NFIB: variants seen among roughly 807,000 people sequenced by gnomAD.
The protein encoded by NFIB is nuclear factor 1 B-type.
Under a neutral mutation model 61.5 loss-of-function variants are expected in NFIB, and 11 were observed. The observed-to-expected ratio is 0.18, with a 90% CI of 0.11 to 0.30. The LOEUF (loss-of-function observed/expected upper bound fraction) is 0.30, where lower values mean the gene tolerates loss of function less well. Ranked by LOEUF, NFIB falls within the 10% of genes least tolerant of loss-of-function variation. The pLI is 1.00. For synonymous variants in NFIB, 260 were observed against 216.5 expected (o/e 1.20, Z -1.76); for missense variants, 471 against 608.9 (o/e 0.77, Z 2.38).
At chr9:14,420,445 C>CAAAAAAAAAAAAAAAAAAAAAAAAAAAAA in the NFIB span, among the ~76,000 whole-genome samples, 17 of 42,430 alleles carry the variant, frequency 4.0e-4, no homozygotes, top group South Asian at 1.6e-3. Context: ...GACTCCGTCT[C>CAAAAAAAAAAAAAAAAAAAAAAAAAAAAA]AAAAAAAAAA....
chr9:14,441,182 C>T, the NFIB span, among the ~76,000 whole-genome samples: 22 of 143,928 alleles, frequency 1.5e-4, no homozygotes, highest in African/African-American at 4.1e-4. Flanking sequence ...AAAAATCGGA[C>T]GGAAAACCAG....
At chr9:14,347,561 G>A (rs1177114660) in intron 1 of NFIB, among the ~76,000 whole-genome samples, 2 of 149,508 alleles carry the variant, frequency 1.3e-5, no homozygotes, top group East Asian at 3.9e-4. Context: ...CGGGTGTGGA[G>A]GGAGTGAGCT....
chr9:14,257,734 C>T (rs1029355227), intron 2 of NFIB, among the ~76,000 whole-genome samples: 33 of 151,792 alleles, frequency 2.2e-4, no homozygotes, highest in African/African-American at 8.0e-4. Flanking sequence ...TTAGCCTGAG[C>T]GACAGAGCGA....
chr9:14,468,208 G>C, the NFIB span, among the ~76,000 whole-genome samples: 1 of 152,236 alleles, frequency 6.6e-6, no homozygotes, highest in Non-Finnish European at 1.5e-5. Flanking sequence ...TTGTATAAGA[G>C]AGTATTTAGC....
In NFIB at chr9:14,120,674, T is replaced by C. The variant is rs774060640; in HGVS notation, c.1061-50A>G. 8 of 1,509,104 alleles carry C rather than the reference T, an allele frequency of 5.3e-6. No individual in the cohort carries two copies. Among genetic ancestry groups the C allele is most frequent in the Non-Finnish European group, 3.6e-6 (4 of 1,125,116 alleles). The allele number at this position is 1,509,104 out of a possible 1,614,324, so 93.5% of individuals were successfully genotyped here. On this transcript the variant is annotated intron_variant, in intron 7 of 10. Coordinates refer to ENST00000380953, the MANE Select transcript of NFIB (RefSeq NM_001190737.2). This position sits in a 1 kb window ranked among gnomAD's most constrained non-coding sequence, Gnocchi z 4.4. ...TTGACTCATCAGCTGGTTACCTTATTGCTCCATTCTGATCCTGAAGAATGC... is the reference window on the plus strand; with the variant it reads ...TTGACTCATCAGCTGGTTACCTTATCGCTCCATTCTGATCCTGAAGAATGC...
chr9:14,507,996 A>G, the NFIB span, among the ~76,000 whole-genome samples: 2 of 49,632 alleles, frequency 4.0e-5, no homozygotes, highest in African/African-American at 5.6e-5. Context: ...ACACACACAT[A>G]TATATATATA....
chr9:14,237,956 TA>T, intron 2 of NFIB, among the ~76,000 whole-genome samples: 1 of 151,134 alleles, frequency 6.6e-6, no homozygotes, highest in African/African-American at 2.4e-5. Flanking sequence ...ACATGAGGCT[TA>T]CGGTCTAGGA....
intron 1 of NFIB, among the ~76,000 whole-genome samples, chr9:14,309,203 A>G (rs2060169850): frequency 6.6e-6 from 1 of 152,236 alleles, no homozygotes; most frequent in South Asian, 2.1e-4. Flanking sequence ...ATATGATGAA[A>G]GTACAACTAA....
chr9:14,237,842 A>AGTGTGTGTGTGT (rs200054648), intron 2 of NFIB, among the ~76,000 whole-genome samples: 929 of 52,524 alleles, frequency 0.018, 126 homozygotes, highest in Middle Eastern at 0.028. Context: ...TAGGTATAAC[A>AGTGTGTGTGTGT]GTGTGTGTGT....
intron 1 of NFIB, chr9:14,357,642 T>A (rs1429485713): frequency 6.6e-6 from 1 of 152,198 alleles, no homozygotes; most frequent in African/African-American, 2.4e-5. Context: ...AAAGAGACCA[T>A]TGGTTTAAGA....
At chr9:14,207,543 G>C (rs1270150756) in intron 2 of NFIB, among the ~76,000 whole-genome samples, 2 of 152,178 alleles carry the variant, frequency 1.3e-5, no homozygotes, top group Non-Finnish European at 2.9e-5. Context: ...GACAGGCAAA[G>C]GGCCAGCTCG....
At chr9:14,512,722 T>G in the NFIB span, among the ~76,000 whole-genome samples, 7 of 152,140 alleles carry the variant, frequency 4.6e-5, no homozygotes, top group Non-Finnish European at 1.0e-4. Flanking sequence ...TTCCCTCTTG[T>G]GTTTCTTCCC....
At chr9:14,529,985 A>G in the NFIB span, among the ~76,000 whole-genome samples, 1 of 152,208 alleles carries the variant, frequency 6.6e-6, no homozygotes, top group Non-Finnish European at 1.5e-5. Flanking sequence ...CAGAAGTAGA[A>G]TGGTGAAATT....
At chr9:14,145,475 C>T (rs1437212027) in intron 6 of NFIB, among the ~76,000 whole-genome samples, 5 of 151,880 alleles carry the variant, frequency 3.3e-5, no homozygotes, top group African/African-American at 9.7e-5. Context: ...CCATGGCACT[C>T]GGTATAAAAA....
intron 2 of NFIB, among the ~76,000 whole-genome samples, chr9:14,256,780 T>C (rs974536959): frequency 6.6e-6 from 1 of 152,140 alleles, no homozygotes; most frequent in African/African-American, 2.4e-5. Flanking sequence ...GCTCCAACAA[T>C]GCACCAGTTC....
the NFIB span, among the ~76,000 whole-genome samples, chr9:14,469,000 G>C: frequency 6.6e-6 from 1 of 152,200 alleles, no homozygotes; most frequent in Non-Finnish European, 1.5e-5. Flanking sequence ...CCAGGTATCA[G>C]AAGTGTGTCT....
the NFIB span, among the ~76,000 whole-genome samples, chr9:14,483,375 C>T: frequency 6.6e-6 from 1 of 152,156 alleles, no homozygotes; most frequent in Non-Finnish European, 1.5e-5. Context: ...CATATCTTTG[C>T]ATACACAGAA....
chr9:14,450,644 A>T, the NFIB span, among the ~76,000 whole-genome samples: 5 of 151,846 alleles, frequency 3.3e-5, no homozygotes, highest in African/African-American at 1.2e-4. Flanking sequence ...ATGTTACAGC[A>T]CCCCTCCCCC....
At position 14,161,579 on chromosome 9, in the gene NFIB, T is replaced by G. The variant is rs185606863; in HGVS notation, c.617-5686A>C. 7.6e-4 allele frequency among the ~76,000 whole-genome samples: 116 copies of G among 152,122 alleles called. No homozygotes were observed. In the Middle Eastern group the frequency reaches 0.017, roughly 22 times the overall value. On this transcript the variant is annotated intron_variant, in intron 3 of 10. Transcript: ENST00000380953. ...TATCCAGCTTTTTTCCTATTAACAT[T>G]GTATCTGTCCTTTTAGATAAAGTTT... is the stretch of plus-strand genomic sequence containing the variant.
Sources: gnomAD v4.1 joint callset for allele counts (sites outside exome capture counted in the v4.1 genomes callset) on GRCh38, gnomAD v4.1.1 for gene constraint, Gnocchi (gnomAD v3.1) non-coding constraint, MANE v1.5 for transcripts, NCBI Gene and HGNC (gene_info 2026-07-23, HGNC 2026-07-21) for gene names.